The following CROCC variants were observed in gnomAD, a reference collection of about 807,000 sequenced individuals.
The protein encoded by CROCC is rootletin.
A neutral mutation model predicts 245.2 loss-of-function variants in CROCC; 180 were observed. The ratio of observed to expected loss-of-function variants is 0.73; its 90% CI spans 0.65 to 0.83. The LOEUF (loss-of-function observed/expected upper bound fraction) is 0.83, where lower values mean the gene tolerates loss of function less well. CROCC is among the 40% of genes least tolerant of loss of function. The pLI is 0.00. For missense variants in CROCC, 2,688 were observed against 2,779.4 expected, an observed-to-expected ratio of 0.97 and a Z score of 0.74; for synonymous variants, 1,205 against 1,241.6, an observed-to-expected ratio of 0.97 and a Z score of 0.62.
intron 11 of CROCC, 26 bp from the exon 12 acceptor site, chr1:16,938,883 C>A (rs760256087): frequency 1.2e-6 from 2 of 1,602,292 alleles, no homozygotes; most frequent in Non-Finnish European, 1.7e-6. Flanking sequence ...CAGCAGCCTC[C>A]TTCTGCCTCC....
chr1:16,950,810 C>T, intron 19 of CROCC, 143 bp from the exon 20 acceptor site: 1 of 620,592 alleles, frequency 1.6e-6, no homozygotes, highest in Non-Finnish European at 2.6e-6. Flanking sequence ...AGAGGGCAAG[C>T]CACTTCAAGA....
rs376055990 is a variant in CROCC at position 16,954,754 on chromosome 1, G to A, written c.3342G>A (p.Thr1114=). ...CCCAGAGCACCGTGAACGCTCTGAC[G>A]TCTGAGCTGCGGGACCTACGGGCCC... ...EQDRSTVNAL[T]SELRDLRAQR... The change falls in exon 23 of 37, where the codon ACG becomes ACA. Residue 1114 remains threonine, a synonymous_variant. Transcript: ENST00000375541. The surrounding 1 kb of genome is among the most constrained non-coding windows in gnomAD (Gnocchi z 4.4). 3.0e-4 allele frequency: 461 copies of A among 1,557,080 alleles called. No homozygotes were observed. Among genetic ancestry groups the A allele is most frequent in the African/African-American group, 3.8e-4 (28 of 73,342 alleles).
intron 3 of CROCC, among the ~76,000 whole-genome samples, chr1:16,926,654 C>T (rs941022786): frequency 6.6e-6 from 1 of 152,272 alleles, no homozygotes; most frequent in Non-Finnish European, 1.5e-5. Context: ...ACCTCAGGGC[C>T]CCCATGGGGG....
intron 34 of CROCC, 27 bp from the exon 35 acceptor site, chr1:16,970,609 C>G (rs1212653406): frequency 6.6e-7 from 1 of 1,514,460 alleles, no homozygotes; most frequent in Non-Finnish European, 8.9e-7. Flanking sequence ...TCCTGGCACC[C>G]TGATCTCCTG....
At chr1:16,962,872 C>T (rs187290869) in intron 27 of CROCC, among the ~76,000 whole-genome samples, 324 of 151,694 alleles carry the variant, frequency 2.1e-3, no homozygotes, top group Non-Finnish European at 3.7e-3. Context: ...TCATGCCGCT[C>T]AGTTGTACAC....
Position 16,966,501 on chromosome 1 carries a change from C to T in CROCC, c.4790C>T (p.Ala1597Val). Residue 1597 changes from alanine to valine, a missense_variant, in exon 30 of 37, where the codon GCC (alanine) becomes GTC (valine). Around this residue, in one of 9 missense-constraint regions of CROCC, gnomAD observed 1,218 missense variants for 1,286.3 expected, o/e 0.95. Coordinates refer to ENST00000375541, the MANE Select transcript of CROCC (RefSeq NM_014675.5). The surrounding 1 kb of genome is among the most constrained non-coding windows in gnomAD (Gnocchi z 4.8). Reference sequence around the variant, plus strand: ...CGGCGCAGTGAGCGGGAGCGCCGGGCCACGCTGGACCAGGTGGCCACACTG... The same window carrying T: ...CGGCGCAGTGAGCGGGAGCGCCGGGTCACGCTGGACCAGGTGGCCACACTG... ...SVRRSERERR[A>V]TLDQVATLER... is the part of the protein sequence containing the mutation. 1 of 1,529,916 alleles carries T rather than the reference C, an allele frequency of 6.5e-7. No individual in the cohort carries two copies. 94.8% of individuals were successfully genotyped at this position (1,529,916 alleles called of 1,614,324 possible). A position where few individuals can be genotyped will look rare whatever the true frequency, so the allele number is the denominator to read the frequency against.
rs750607007 is a variant in CROCC, at chr1:16,948,392, G to T, written c.2576G>T (p.Arg859Leu). Residue 859 changes from arginine to leucine, a missense_variant, in exon 18 of 37, where the codon CGG (arginine) becomes CTG (leucine). By Grantham distance (102) the Arg-to-Leu change is moderately radical. Coordinates refer to ENST00000375541, the MANE Select transcript of CROCC (RefSeq NM_014675.5). ...ELEQARREAQ[R>L]QVEALERAAR... ...GAGCAGGCCCGGCGGGAGGCCCAGC[G>T]GCAAGTGGAGGCGCTGGAGCGAGCG... The T allele has an allele frequency of 1.7e-5, 27 of 1,576,990 alleles. No individual in the cohort carries two copies. In the South Asian group the frequency reaches 3.0e-4, roughly 17 times the overall value.
chr1:16,938,877 A>G (rs763329509), intron 11 of CROCC, 32 bp from the exon 12 acceptor site: 16 of 1,595,976 alleles, frequency 1.0e-5, no homozygotes, highest in African/African-American at 2.7e-5. Flanking sequence ...CTAACTCAGC[A>G]GCCTCCTTCT....
chr1:16,969,302 G>C lies in CROCC; in HGVS notation c.5263G>C (p.Ala1755Pro). 6.2e-7 allele frequency: 1 copy of C among 1,612,112 alleles called. No homozygotes were observed. The highest frequency in any genetic ancestry group is 8.5e-7 in the Non-Finnish European group (1 of 1,179,578). ...GGACAAGAACCTGCATCTGCAGAAGGCTCTGACCGCCTGTGAACATGACCG... is the reference window on the plus strand; with the variant it reads ...GGACAAGAACCTGCATCTGCAGAAGCCTCTGACCGCCTGTGAACATGACCG... ...TRDKNLHLQK[A>P]LTACEHDRQV... The change falls in exon 32 of 37, where the codon GCT (alanine) becomes CCT (proline). Residue 1755 changes from alanine to proline, a missense_variant. By Grantham distance (27) the Ala-to-Pro change is conservative. Around this residue, in one of 9 missense-constraint regions of CROCC, gnomAD observed 1,218 missense variants for 1,286.3 expected, o/e 0.95. Coordinates refer to ENST00000375541, the MANE Select transcript of CROCC (RefSeq NM_014675.5).
chr1:16,924,992 A>G (rs2075500758), intron 3 of CROCC, among the ~76,000 whole-genome samples: 1 of 152,280 alleles, frequency 6.6e-6, no homozygotes, highest in African/African-American at 2.4e-5. Flanking sequence ...AAGGAGAAGC[A>G]GGCCTGTCTT....
In CROCC at chr1:16,954,990, AC is replaced by A; in HGVS notation, c.3465+115del. On this transcript the variant is annotated intron_variant, in intron 23 of 36. Coordinates refer to ENST00000375541, the MANE Select transcript of CROCC (RefSeq NM_014675.5). The surrounding 1 kb of genome is among the most constrained non-coding windows in gnomAD (Gnocchi z 4.4). ...GTAAGATTCCTCCCTGCATTTGAGG[AC>A]CAATGAATAGCAACTTAGAAAGGAG... 1 of 1,290,922 alleles carries A rather than the reference AC, an allele frequency of 7.7e-7. No homozygotes were observed. Among genetic ancestry groups the A allele is most frequent in the Non-Finnish European group, 1.0e-6 (1 of 965,070 alleles). 80.0% of individuals were successfully genotyped at this position (1,290,922 alleles called of 1,614,324 possible).
chr1:16,921,955 C>T lies in CROCC; in HGVS notation c.-64C>T. Reference sequence around the variant, plus strand: ...CACAGCATCCTGGCTGTGGCGCGTGCTGACTGAGCTAGTCTTGGGGTCCTG... The same window carrying T: ...CACAGCATCCTGGCTGTGGCGCGTGTTGACTGAGCTAGTCTTGGGGTCCTG... On this transcript the variant is annotated 5_prime_UTR_variant, in exon 1 of 37. Coordinates refer to ENST00000375541, the MANE Select transcript of CROCC (RefSeq NM_014675.5). 6.8e-7 allele frequency: 1 copy of T among 1,463,666 alleles called. No homozygotes were observed. The highest frequency in any genetic ancestry group is 1.8e-4 in the Middle Eastern group (1 of 5,688). The allele number at this position is 1,463,666 out of a possible 1,614,324, so 90.7% of individuals were successfully genotyped here. A position where few individuals can be genotyped will look rare whatever the true frequency, so the allele number is the denominator to read the frequency against.
chr1:16,914,200 C>G (rs544422538), intron 1 of CROCC, among the ~76,000 whole-genome samples: 1 of 151,828 alleles, frequency 6.6e-6, no homozygotes, highest in Non-Finnish European at 1.5e-5. Flanking sequence ...GCGGAGGAGG[C>G]CGCGCGCCTG....
chr1:16,933,020 A>G (rs2075712746), intron 8 of CROCC, among the ~76,000 whole-genome samples: 1 of 152,198 alleles, frequency 6.6e-6, no homozygotes. Context: ...TTTGTTGCCC[A>G]GGCTGGTCTT....
Position 16,946,807 on chromosome 1 carries a change from A to C in CROCC, c.2330A>C (p.Glu777Ala). Residue 777 changes from glutamate to alanine, a missense_variant, in exon 17 of 37, where the codon GAG becomes GCG. Glu to Ala is a moderately radical substitution (Grantham distance 107). Around this residue, in one of 9 missense-constraint regions of CROCC, gnomAD observed 295 missense variants for 241.7 expected, o/e 1.22. Transcript: ENST00000375541. ...SALQGRQRQA[E>A]QEATVAREEQ... ...CTGCAGGGCCGGCAACGGCAGGCAG[A>C]GCAGGAGGCCACAGTGGCGCGGGAA... 1 of 1,552,560 alleles carries C rather than the reference A, an allele frequency of 6.4e-7. No homozygotes were observed. The highest frequency in any genetic ancestry group is 8.7e-7 in the Non-Finnish European group (1 of 1,147,666).
Position 16,938,947 on chromosome 1 carries a change from C to G in CROCC, c.1413C>G (p.Ser471Arg), listed in dbSNP as rs758205162. The change falls in exon 12 of 37, where the codon AGC (serine) becomes AGG (arginine). Residue 471 changes from serine (S) to arginine (R), a missense_variant. By Grantham distance (110) the Ser-to-Arg change is moderately radical. Coordinates refer to ENST00000375541, the MANE Select transcript of CROCC (RefSeq NM_014675.5). ...LSDSESGVQL[S>R]GSERTADASN... ...ACTCTGAGAGCGGCGTCCAGCTGAG[C>G]GGCTCTGAGCGCACCGCGGATGCTT... 6.2e-7 allele frequency: 1 copy of G among 1,601,300 alleles called. No individual in the cohort carries two copies.
intron 24 of CROCC, 133 bp downstream of exon 24, chr1:16,955,683 G>C (rs2076239466): frequency 3.4e-6 from 3 of 884,558 alleles, no homozygotes; most frequent in Non-Finnish European, 5.0e-6. Flanking sequence ...CTGGCACCTG[G>C]GTGATTTTAG....
chr1:16,915,852 G>C (rs1293970715), intron 1 of CROCC, among the ~76,000 whole-genome samples: 1 of 152,248 alleles, frequency 6.6e-6, no homozygotes, highest in Non-Finnish European at 1.5e-5. Flanking sequence ...AAGGCCCAGA[G>C]GTGGGTGCCT....
At chr1:16,930,888 G>A (rs2075661151) in intron 7 of CROCC, among the ~76,000 whole-genome samples, 1 of 152,290 alleles carries the variant, frequency 6.6e-6, no homozygotes, top group Non-Finnish European at 1.5e-5. Flanking sequence ...TGTAATCCCA[G>A]CACTTTGGGA....
Sources: allele counts gnomAD v4.1 joint callset (sites outside exome capture counted in the v4.1 genomes callset), GRCh38; gene constraint gnomAD v4.1.1; regional missense constraint gnomAD v4.1.1; non-coding constraint Gnocchi (gnomAD v3.1); transcripts MANE v1.5; gene names NCBI Gene and HGNC (gene_info 2026-07-23, HGNC 2026-07-21).